ANKFN1: variants seen among roughly 807,000 people sequenced by gnomAD.
ANKFN1 encodes ankyrin repeat and fibronectin type III domain containing 1.
ANKFN1 carries 74 observed loss-of-function variants against 108.7 expected under a neutral mutation model. That is an observed-to-expected ratio of 0.68 (90% confidence interval 0.56 to 0.83). The LOEUF is 0.83. ANKFN1 is among the 40% of genes least tolerant of loss of function. The probability of loss-of-function intolerance (pLI) is 0.00; values close to 1 mark genes in which losing one functional copy is unlikely to be tolerated. For synonymous variants in ANKFN1, 547 were observed against 516.2 expected (o/e 1.06, Z -0.81); for missense variants, 1,505 against 1,382.3 (o/e 1.09, Z -1.41).
intron 3 of ANKFN1, among the ~76,000 whole-genome samples, chr17:56,296,570 G>C (rs751527125): frequency 2.6e-5 from 4 of 152,164 alleles, no homozygotes; most frequent in Non-Finnish European, 5.9e-5. Context: ...TGTAGTCCCA[G>C]CTACTTCGGA....
intron 3 of ANKFN1, among the ~76,000 whole-genome samples, chr17:56,303,832 A>G (rs944014413): frequency 3.2e-4 from 47 of 147,884 alleles, no homozygotes; most frequent in Admixed American, 1.6e-3. Context: ...TTACAGGTGC[A>G]CACCACCACG....
At chr17:56,096,309 G>A (rs758371909) in intron 4 of ANKFN1, among the ~76,000 whole-genome samples, 3 of 152,126 alleles carry the variant, frequency 2.0e-5, no homozygotes, top group Non-Finnish European at 4.4e-5. Flanking sequence ...CTCTACAATG[G>A]TTAGTTACCA....
At chr17:56,322,986 G>A (rs1367154244) in intron 3 of ANKFN1, among the ~76,000 whole-genome samples, 1 of 152,126 alleles carries the variant, frequency 6.6e-6, no homozygotes. Flanking sequence ...ATTTTACTGA[G>A]CACTTACTAG....
intron 4 of ANKFN1, among the ~76,000 whole-genome samples, chr17:56,130,737 C>T (rs1037842907): frequency 6.6e-6 from 1 of 152,006 alleles, no homozygotes; most frequent in African/African-American, 2.4e-5. Context: ...ACTGAAGAGC[C>T]CTTTTTGCTC....
intron 8 of ANKFN1, among the ~76,000 whole-genome samples, chr17:56,408,434 A>G (rs989138794): frequency 6.6e-6 from 1 of 152,182 alleles, no homozygotes; most frequent in African/African-American, 2.4e-5. Flanking sequence ...GGTATAAATT[A>G]CTAGCAGTGG....
intron 4 of ANKFN1, among the ~76,000 whole-genome samples, chr17:56,141,878 A>C (rs1196145087): frequency 1.3e-5 from 2 of 150,908 alleles, no homozygotes; most frequent in Non-Finnish European, 2.9e-5. Context: ...ACCACACATC[A>C]GTGAGTGTGT....
chr17:56,133,528 CTGTGTGTG>C (rs10598270), intron 4 of ANKFN1, among the ~76,000 whole-genome samples: 2,632 of 146,406 alleles, frequency 0.018, 55 homozygotes, highest in African/African-American at 0.056. Context: ...ATGTGTATAC[CTGTGTGTG>C]TGTGTGTGTG....
chr17:56,341,383 G>A (rs1333640537), intron 4 of ANKFN1, among the ~76,000 whole-genome samples: 3 of 151,952 alleles, frequency 2.0e-5, no homozygotes, highest in Non-Finnish European at 4.4e-5. Flanking sequence ...GTTTTATGCC[G>A]GTTTTCAAGG....
rs188937888 is a variant in ANKFN1 at position 56,145,015 on chromosome 17, A to C, written c.289-82902A>C. ...AGGGAACATTTATTACAGATGCTTA[A>C]TCTTTCCCCTCTCCTTGGGGCAGCT... On this transcript the variant is annotated intron_variant, in intron 4 of 12. Transcript: ENST00000635860. Among the ~76,000 whole-genome samples, 279 of 152,092 alleles carry C rather than the reference A, an allele frequency of 1.8e-3. 1 individual carries two copies. The highest frequency in any genetic ancestry group is 6.6e-3 in the African/African-American group (272 of 41,482).
intron 8 of ANKFN1, among the ~76,000 whole-genome samples, chr17:56,390,920 G>T (rs113073429): frequency 6.6e-6 from 1 of 151,734 alleles, no homozygotes; most frequent in South Asian, 2.1e-4. Context: ...CCTTTTCTTC[G>T]AAGTAATATT....
At chr17:56,349,256 T>C (rs911164414) in intron 4 of ANKFN1, among the ~76,000 whole-genome samples, 1 of 151,970 alleles carries the variant, frequency 6.6e-6, no homozygotes, top group Non-Finnish European at 1.5e-5. Flanking sequence ...AGGGAGAGCA[T>C]CAGGAAGAAT....
intron 3 of ANKFN1, among the ~76,000 whole-genome samples, chr17:56,266,098 T>C (rs1343283589): frequency 6.6e-6 from 1 of 152,230 alleles, no homozygotes; most frequent in Non-Finnish European, 1.5e-5. Context: ...TTGACATTTT[T>C]CAGTAGTGCT....
rs1197614125 is a variant in ANKFN1, at chr17:56,514,889, C to T, written c.*3620C>T. ...CATGCCAGAGAAGTGGAAAAGAGGA[C>T]TGGACCCTCGTTCATTGTTATCCTG... On this transcript the variant is annotated 3_prime_UTR_variant, in exon 21 of 21. Coordinates refer to ENST00000682825, the MANE Select transcript of ANKFN1 (RefSeq NM_001370326.1). Among the ~76,000 whole-genome samples, 2 of 152,116 alleles carry T rather than the reference C, an allele frequency of 1.3e-5. No individual in the cohort carries two copies. Among genetic ancestry groups the T allele is most frequent in the South Asian group, 2.1e-4 (1 of 4,826 alleles).
At chr17:56,481,687 T>C (rs1195379419) in intron 17 of ANKFN1, among the ~76,000 whole-genome samples, 11 of 152,188 alleles carry the variant, frequency 7.2e-5, no homozygotes. Context: ...CTTTCGATTT[T>C]AAGTCTAAAA....
chr17:56,203,883 A>G (rs1449341857), intron 1 of ANKFN1, among the ~76,000 whole-genome samples: 1 of 152,198 alleles, frequency 6.6e-6, no homozygotes, highest in Non-Finnish European at 1.5e-5. Flanking sequence ...AAAAGATATA[A>G]CTAGCAAAGG....
intron 4 of ANKFN1, among the ~76,000 whole-genome samples, chr17:56,130,708 G>A (rs1407774572): frequency 6.6e-6 from 1 of 152,166 alleles, no homozygotes; most frequent in Non-Finnish European, 1.5e-5. Context: ...ATGGGGGGAG[G>A]ACAGTTCACT....
chr17:56,315,361 C>G (rs906298137), intron 3 of ANKFN1, among the ~76,000 whole-genome samples: 3 of 152,138 alleles, frequency 2.0e-5, no homozygotes, highest in African/African-American at 7.2e-5. Context: ...AATGGATAAT[C>G]AGCCTTGGTT....
chr17:56,128,610 G>A (rs999551115), intron 4 of ANKFN1, among the ~76,000 whole-genome samples: 2 of 152,164 alleles, frequency 1.3e-5, no homozygotes, highest in Non-Finnish European at 2.9e-5. Context: ...AAAACTAGAT[G>A]CTCTTTCTAA....
chr17:56,123,795 T>TTGTGTG lies in ANKFN1; in HGVS notation c.288+77495_288+77500dup, dbSNP rs58283151. 7.4e-3 allele frequency among the ~76,000 whole-genome samples: 1,076 copies of TTGTGTG among 144,796 alleles called. 12 individuals carry two copies. Among genetic ancestry groups the TTGTGTG allele is most frequent in the Non-Finnish European group, 9.6e-3 (637 of 66,278 alleles). 95.0% of individuals were successfully genotyped at this position (144,796 alleles called of 152,430 possible). ...TGTGTGAGCCTGTGTGCATGACTGA[T>TTGTGTG]TGTGTGTGTGTGTGTGTGTGTGTGT... On this transcript the variant is annotated intron_variant, in intron 4 of 12. Transcript: ENST00000635860.
Sources: allele counts gnomAD v4.1 joint callset (sites outside exome capture counted in the v4.1 genomes callset), GRCh38; gene constraint gnomAD v4.1.1; transcripts MANE v1.5; gene names NCBI Gene and HGNC (gene_info 2026-07-23, HGNC 2026-07-21).